RORA: variants seen among roughly 807,000 people sequenced by gnomAD.
RORA encodes the protein nuclear receptor ROR-alpha.
In RORA, 7 loss-of-function variants were observed where a neutral mutation model predicts 69.5. The observed-to-expected ratio is 0.10, with a 90% CI of 0.06 to 0.19. The LOEUF is 0.19. Among genes scored for constraint, RORA ranks in the 10% least tolerant of loss-of-function variants. The probability of loss-of-function intolerance (pLI) is 1.00; values close to 1 mark genes in which losing one functional copy is unlikely to be tolerated. For synonymous variants in RORA, 261 were observed against 240.8 expected (o/e 1.08, Z -0.78); for missense variants, 457 against 663.0 (o/e 0.69, Z 3.41).
intron 1 of RORA, among the ~76,000 whole-genome samples, chr15:60,751,974 A>G (rs1024137754): frequency 3.3e-5 from 5 of 152,178 alleles, no homozygotes; most frequent in Non-Finnish European, 7.3e-5. Flanking sequence ...GTGAGGAGAT[A>G]GGGAAGCTGT....
chr15:60,710,492 A>G (rs1473106651), intron 1 of RORA, among the ~76,000 whole-genome samples: 2 of 152,186 alleles, frequency 1.3e-5, no homozygotes, highest in East Asian at 3.8e-4. Flanking sequence ...CCATCTCAAA[A>G]AAATAAAAAA....
At chr15:61,085,075 T>C (rs1318592709) in intron 1 of RORA, among the ~76,000 whole-genome samples, 1 of 151,622 alleles carries the variant, frequency 6.6e-6, no homozygotes, top group African/African-American at 2.4e-5. Context: ...CCAAGGATGC[T>C]CTAGGGAGCT....
rs567026454 is a variant in RORA, at chr15:61,121,005, A to G, written c.166+108048T>C. Among the ~76,000 whole-genome samples, 10 of 151,304 alleles carry G rather than the reference A, an allele frequency of 6.6e-5. No homozygotes were observed. In the South Asian group the frequency reaches 2.1e-3, roughly 32 times the overall value. ...TGGGATTACAGGCGCCTGCCACCAC[A>G]CCCGGCTAATTTTTTTGTATTTTTG... On this transcript the variant is annotated intron_variant, in intron 1 of 10. Coordinates refer to ENST00000335670, the MANE Select transcript of RORA (RefSeq NM_134261.3).
chr15:60,666,169 T>TC (rs1173185583), intron 2 of RORA, among the ~76,000 whole-genome samples: 1 of 33,938 alleles, frequency 2.9e-5, no homozygotes, highest in Non-Finnish European at 8.5e-5. Flanking sequence ...AAAGATAATT[T>TC]TTTTTTTTTT....
intron 3 of RORA, chr15:60,529,936 G>C (rs2066479965): frequency 6.6e-6 from 1 of 152,142 alleles, no homozygotes; most frequent in Admixed American, 6.6e-5. Context: ...AGTTTTTTGG[G>C]CAGAATGAAG....
intron 2 of RORA, among the ~76,000 whole-genome samples, chr15:60,634,587 TAG>T (rs149328455): frequency 0.15 from 22,147 of 151,888 alleles, 1,857 homozygotes; most frequent in Middle Eastern, 0.27. Flanking sequence ...GTGTTTTTAG[TAG>T]AGACAGGGTT....
At chr15:61,178,735 C>T (rs1212286063) in intron 1 of RORA, among the ~76,000 whole-genome samples, 1 of 152,042 alleles carries the variant, frequency 6.6e-6, no homozygotes, top group Non-Finnish European at 1.5e-5. Context: ...AAGGAATAAA[C>T]AGGTTGTGAG....
rs185174554 is a variant in RORA, at chr15:60,569,433, G to T, written c.197-37582C>A. ...GACCCTGTCTCTTTAAAAAGAAAAAGAAAAGAAAAAACCCAAAGGATTCAT... is the reference window on the plus strand; with the variant it reads ...GACCCTGTCTCTTTAAAAAGAAAAATAAAAGAAAAAACCCAAAGGATTCAT... On this transcript the variant is annotated intron_variant, in intron 2 of 10. Transcript: ENST00000335670. 1.6e-4 allele frequency among the ~76,000 whole-genome samples: 25 copies of T among 152,002 alleles called. 1 individual carries two copies. The highest frequency in any genetic ancestry group is 1.1e-3 in the Admixed American group (17 of 15,252).
intron 1 of RORA, among the ~76,000 whole-genome samples, chr15:61,092,838 AG>A (rs2078728197): frequency 1.3e-5 from 2 of 152,308 alleles, no homozygotes; most frequent in Middle Eastern, 3.4e-3. Flanking sequence ...ATATCATCTG[AG>A]GCTTTGAAGC....
At chr15:60,666,514 A>T (rs2070384520) in intron 2 of RORA, among the ~76,000 whole-genome samples, 2 of 151,994 alleles carry the variant, frequency 1.3e-5, no homozygotes, top group African/African-American at 4.8e-5. Flanking sequence ...TAGTAGGACA[A>T]AGCTACATAA....
intron 1 of RORA, among the ~76,000 whole-genome samples, chr15:60,734,234 A>C (rs2071468989): frequency 6.6e-6 from 1 of 152,104 alleles, no homozygotes; most frequent in African/African-American, 2.4e-5. Flanking sequence ...TCACCTGGAA[A>C]ATTATTAAAA....
At chr15:60,592,637 G>T in intron 2 of RORA, 1 of 1,048,652 alleles carries the variant, frequency 9.5e-7, no homozygotes. Context: ...CGGGGCGGGA[G>T]GCGGGAGGCG....
chr15:60,928,229 T>C (rs372125254), intron 1 of RORA, among the ~76,000 whole-genome samples: 1 of 152,210 alleles, frequency 6.6e-6, no homozygotes, highest in African/African-American at 2.4e-5. Flanking sequence ...AACATATTCA[T>C]GGACCACAGT....
At chr15:60,862,407 A>T (rs1262162796) in intron 1 of RORA, among the ~76,000 whole-genome samples, 1 of 152,238 alleles carries the variant, frequency 6.6e-6, no homozygotes, top group Non-Finnish European at 1.5e-5. Flanking sequence ...TAGGCAAGGA[A>T]GCCAATTACC....
intron 1 of RORA, among the ~76,000 whole-genome samples, chr15:61,089,792 G>A (rs189660208): frequency 1.3e-5 from 2 of 152,258 alleles, no homozygotes; most frequent in East Asian, 3.9e-4. Context: ...GAGTTCCTCT[G>A]TAGCCCACCG....
At chr15:60,625,357 G>A (rs565368801) in intron 2 of RORA, among the ~76,000 whole-genome samples, 15 of 152,216 alleles carry the variant, frequency 9.9e-5, no homozygotes, top group African/African-American at 3.6e-4. Flanking sequence ...TACATTATTG[G>A]TGGCCACATA....
chr15:60,774,580 G>A (rs141079789), intron 1 of RORA, among the ~76,000 whole-genome samples: 2 of 152,298 alleles, frequency 1.3e-5, no homozygotes, highest in Non-Finnish European at 2.9e-5. Context: ...TGCCCTGGGC[G>A]GCTACCAGTC....
intron 2 of RORA, among the ~76,000 whole-genome samples, chr15:60,541,972 A>G (rs1469201511): frequency 6.6e-6 from 1 of 152,194 alleles, no homozygotes; most frequent in Non-Finnish European, 1.5e-5. Context: ...ATTTCAGATG[A>G]CATTCTATGA....
chr15:60,895,064 C>T (rs145783882), intron 1 of RORA, among the ~76,000 whole-genome samples: 65 of 152,256 alleles, frequency 4.3e-4, no homozygotes, highest in African/African-American at 1.1e-3. Context: ...GCTCATTCCT[C>T]AAGCAGTTGA....
Sources: allele counts gnomAD v4.1 joint callset (sites outside exome capture counted in the v4.1 genomes callset), GRCh38; gene constraint gnomAD v4.1.1; transcripts MANE v1.5; gene names NCBI Gene and HGNC (gene_info 2026-07-23, HGNC 2026-07-21).